The following TENM2 variants were observed in gnomAD, a reference collection of about 807,000 sequenced individuals.
TENM2 encodes the protein teneurin-2.
In TENM2, 52 loss-of-function variants were observed where a neutral mutation model predicts 245.2. The observed-to-expected ratio is 0.21, with a 90% CI of 0.17 to 0.27. TENM2 has a LOEUF of 0.27. Among genes scored for constraint, TENM2 ranks in the 10% least tolerant of loss-of-function variants. The probability of loss-of-function intolerance (pLI) is 1.00; values close to 1 mark genes in which losing one functional copy is unlikely to be tolerated. For synonymous variants in TENM2, 1,363 were observed against 1,438.9 expected (o/e 0.95, Z 1.19); for missense variants, 3,046 against 3,666.8 (o/e 0.83, Z 4.37).
intron 1 of TENM2, among the ~76,000 whole-genome samples, chr5:167,286,727 A>C (rs1303696618): frequency 6.6e-6 from 1 of 152,198 alleles, no homozygotes; most frequent in Non-Finnish European, 1.5e-5. Context: ...AAGTTTTATT[A>C]AAAGTGCATC....
At chr5:167,797,684 C>T (rs1232928049) in intron 2 of TENM2, among the ~76,000 whole-genome samples, 2 of 152,284 alleles carry the variant, frequency 1.3e-5, no homozygotes, top group Non-Finnish European at 2.9e-5. Flanking sequence ...CATTACAGAT[C>T]TGAAGGTTGA....
chr5:168,095,303 T>C (rs1793273733), intron 8 of TENM2, among the ~76,000 whole-genome samples: 1 of 152,142 alleles, frequency 6.6e-6, no homozygotes, highest in South Asian at 2.1e-4. Flanking sequence ...CAAACTCAAC[T>C]AATGTCACAC....
intron 2 of TENM2, among the ~76,000 whole-genome samples, chr5:167,803,114 C>G (rs1765904098): frequency 6.6e-6 from 1 of 152,134 alleles, no homozygotes; most frequent in South Asian, 2.1e-4. Context: ...ATTGGCCAAT[C>G]ACTTCTCTGA....
At chr5:167,261,562 G>T in the TENM2 span, among the ~76,000 whole-genome samples, 1 of 152,126 alleles carries the variant, frequency 6.6e-6, no homozygotes, top group Non-Finnish European at 1.5e-5. Context: ...ACAGCAGCAT[G>T]AATTAAGGCA....
chr5:167,851,231 A>G (rs1371436336), intron 2 of TENM2, among the ~76,000 whole-genome samples: 2 of 152,116 alleles, frequency 1.3e-5, no homozygotes, highest in Non-Finnish European at 2.9e-5. Flanking sequence ...GAGAGAGCCA[A>G]TTTTATCTCA....
the TENM2 span, among the ~76,000 whole-genome samples, chr5:167,011,657 AC>A: frequency 2.6e-5 from 4 of 152,142 alleles, no homozygotes; most frequent in Non-Finnish European, 5.9e-5. Context: ...GTTTGGGAGT[AC>A]CCCTTGTCCC....
chr5:167,975,260 G>T (rs1186189321), intron 4 of TENM2, among the ~76,000 whole-genome samples: 1 of 152,186 alleles, frequency 6.6e-6, no homozygotes, highest in Non-Finnish European at 1.5e-5. Flanking sequence ...TTTTTAAAAA[G>T]CCTTGCCTGG....
intron 7 of TENM2, among the ~76,000 whole-genome samples, chr5:168,077,194 A>G (rs1316873315): frequency 1.3e-5 from 2 of 152,222 alleles, no homozygotes; most frequent in Admixed American, 1.3e-4. Flanking sequence ...AGCAAAAATA[A>G]GAGAAAACTA....
At chr5:167,620,549 C>CTTTTTTTTTTTTTTTTTT (rs11455974) in intron 2 of TENM2, among the ~76,000 whole-genome samples, 1 of 73,314 alleles carries the variant, frequency 1.4e-5, no homozygotes, top group Non-Finnish European at 2.4e-5. Flanking sequence ...TGCTTTTTGG[C>CTTTTTTTTTTTTTTTTTT]TTTTTTTTTT....
At chr5:167,454,470 G>GTGTC (rs1338715039) in intron 2 of TENM2, among the ~76,000 whole-genome samples, 3 of 151,828 alleles carry the variant, frequency 2.0e-5, no homozygotes, top group Non-Finnish European at 4.4e-5. Flanking sequence ...GTGTGTGTGT[G>GTGTC]TGTGTGCATG....
intron 2 of TENM2, among the ~76,000 whole-genome samples, chr5:167,823,859 G>T (rs1034094066): frequency 1.3e-5 from 2 of 152,098 alleles, no homozygotes; most frequent in Non-Finnish European, 2.9e-5. Context: ...GCCTGCAATG[G>T]GGGCTGGGGA....
At chr5:168,053,494 T>C (rs916760215) in intron 6 of TENM2, among the ~76,000 whole-genome samples, 13 of 152,200 alleles carry the variant, frequency 8.5e-5, no homozygotes, top group African/African-American at 3.1e-4. Flanking sequence ...CTCTGATATG[T>C]TGGCCCTTCA....
chr5:167,103,195 T>C, the TENM2 span, among the ~76,000 whole-genome samples: 1 of 152,206 alleles, frequency 6.6e-6, no homozygotes, highest in African/African-American at 2.4e-5. Context: ...CGCGGAACAG[T>C]CCACTGCTAT....
chr5:167,227,429 G>A, the TENM2 span, among the ~76,000 whole-genome samples: 40 of 152,174 alleles, frequency 2.6e-4, no homozygotes, highest in Non-Finnish European at 5.1e-4. Flanking sequence ...CCTCTTGAGC[G>A]TTTCTTGTAG....
chr5:167,501,909 G>A (rs895905475), intron 2 of TENM2, among the ~76,000 whole-genome samples: 3 of 151,754 alleles, frequency 2.0e-5, no homozygotes, highest in African/African-American at 7.3e-5. Flanking sequence ...ACTAACTTTT[G>A]CTATTATTTG....
intron 3 of TENM2, among the ~76,000 whole-genome samples, chr5:167,920,515 TCACACACACACACACACA>T (rs58866696): frequency 2.3e-5 from 3 of 129,456 alleles, no homozygotes; most frequent in Non-Finnish European, 1.6e-5. Context: ...CGAAACTCCA[TCACACACACACACACACA>T]CACACACACA....
the TENM2 span, among the ~76,000 whole-genome samples, chr5:167,072,652 G>A: frequency 6.6e-6 from 1 of 152,174 alleles, no homozygotes; most frequent in Non-Finnish European, 1.5e-5. Flanking sequence ...TGATATTCCA[G>A]TTTTTAGATG....
chr5:167,319,640 A>G (rs1756595709), intron 1 of TENM2, among the ~76,000 whole-genome samples: 1 of 152,198 alleles, frequency 6.6e-6, no homozygotes. Flanking sequence ...AATAACATGC[A>G]TCTATTTGAA....
chr5:167,040,739 T>A, the TENM2 span, among the ~76,000 whole-genome samples: 7 of 152,332 alleles, frequency 4.6e-5, no homozygotes, highest in East Asian at 1.3e-3. Flanking sequence ...TATAATATTT[T>A]CCCCACTTAT....
Sources: gnomAD v4.1 joint callset for allele counts (sites outside exome capture counted in the v4.1 genomes callset) on GRCh38, gnomAD v4.1.1 for gene constraint, MANE v1.5 for transcripts, NCBI Gene and HGNC (gene_info 2026-07-23, HGNC 2026-07-21) for gene names.